The following TACR3 variants were observed in gnomAD, a reference collection of about 807,000 sequenced individuals.
TACR3 encodes the protein neuromedin-K receptor.
A neutral mutation model predicts 35.0 loss-of-function variants in TACR3; 34 were observed. That is an observed-to-expected ratio of 0.97 (90% CI 0.74 to 1.30). The LOEUF (loss-of-function observed/expected upper bound fraction) is 1.30. TACR3 is among the 50% of genes most tolerant of loss of function. The pLI, the probability that TACR3 is intolerant of heterozygous loss-of-function variation, is 0.00. For synonymous variants in TACR3, 233 were observed against 221.1 expected (o/e 1.05, Z -0.48); for missense variants, 558 against 591.7 (o/e 0.94, Z 0.59).
intron 3 of TACR3, among the ~76,000 whole-genome samples, chr4:103,648,647 A>G (rs1287440137): frequency 2.0e-5 from 3 of 152,062 alleles, no homozygotes; most frequent in African/African-American, 4.8e-5. Context: ...AAAGTACTCC[A>G]TTGTGTATAT....
chr4:103,612,830 T>TTC (rs34300555), intron 3 of TACR3, among the ~76,000 whole-genome samples: 109,874 of 151,494 alleles, frequency 0.73, 40,210 homozygotes, highest in East Asian at 1. Flanking sequence ...TGTTTTGCAT[T>TTC]TCTCTCTCTC....
intron 1 of TACR3, among the ~76,000 whole-genome samples, chr4:103,677,818 C>A (rs1245271121): frequency 4.6e-5 from 7 of 151,780 alleles, no homozygotes; most frequent in Non-Finnish European, 1.0e-4. Flanking sequence ...TACAAGTTTA[C>A]CTATGTAACA....
At position 103,719,507 on chromosome 4, in the gene TACR3, C is replaced by T; in HGVS notation, c.169G>A (p.Ala57Thr). 2 of 1,610,576 alleles carry T rather than the reference C, an allele frequency of 1.2e-6. No individual in the cohort carries two copies. Among genetic ancestry groups the T allele is most frequent in the South Asian group, 2.2e-5 (2 of 91,004 alleles). ...QAGNLSSSPS[A>T]LGLPVASPAP... is the part of the protein sequence containing the mutation. ...GGGGAAGCCACAGGCAGTCCCAGCG[C>T]GGAAGGGGAGGAGGAGAGGTTGCCA... The change falls in exon 1 of 5, where the codon GCG (alanine) becomes ACG (threonine). Residue 57 changes from alanine to threonine, a missense_variant. Physicochemically the swap from Ala to Thr is moderately conservative, Grantham distance 58. Transcript: ENST00000304883.
At chr4:103,621,262 G>A (rs1319308023) in intron 3 of TACR3, among the ~76,000 whole-genome samples, 1 of 152,154 alleles carries the variant, frequency 6.6e-6, no homozygotes, top group African/African-American at 2.4e-5. Flanking sequence ...CAAAACTCAT[G>A]CCTCCTTCTA....
intron 3 of TACR3, among the ~76,000 whole-genome samples, chr4:103,653,678 A>G (rs903169744): frequency 3.9e-5 from 6 of 152,060 alleles, no homozygotes; most frequent in African/African-American, 2.4e-5. Context: ...AATGGCAACA[A>G]AAGCCAAAAT....
intron 3 of TACR3, among the ~76,000 whole-genome samples, chr4:103,636,049 C>T: frequency 6.6e-6 from 1 of 151,846 alleles, no homozygotes; most frequent in East Asian, 1.9e-4. Context: ...CAGAATTTCT[C>T]AAAAATAAAC....
At chr4:103,684,354 G>A (rs1308168655) in intron 1 of TACR3, among the ~76,000 whole-genome samples, 1 of 152,118 alleles carries the variant, frequency 6.6e-6, no homozygotes, top group Non-Finnish European at 1.5e-5. Context: ...CCTAATAAAT[G>A]AGTTTGACAA....
intron 1 of TACR3, among the ~76,000 whole-genome samples, chr4:103,683,413 C>A (rs574800160): frequency 5.7e-5 from 5 of 88,168 alleles, no homozygotes; most frequent in African/African-American, 1.7e-4. Flanking sequence ...TCAGTGAATC[C>A]AAAAAATAAC....
rs1360232429 is a variant in TACR3, at chr4:103,587,323, G to T, written c.*2359C>A. 1 of 151,962 alleles carries T rather than the reference G, an allele frequency of 6.6e-6. No individual in the cohort carries two copies. Among genetic ancestry groups the T allele is most frequent in the African/African-American group, 2.4e-5 (1 of 41,402 alleles). 9.4% of individuals were successfully genotyped at this position (151,962 alleles called of 1,614,324 possible). On this transcript the variant is annotated 3_prime_UTR_variant, in exon 5 of 5. Coordinates refer to ENST00000304883, the MANE Select transcript of TACR3 (RefSeq NM_001059.3). ...ATTCTGCCTATAGGTCTCAGTTTAAGGGCCATGAGTAGTGAGTGAATGATG... is the reference window on the plus strand; with the variant it reads ...ATTCTGCCTATAGGTCTCAGTTTAATGGCCATGAGTAGTGAGTGAATGATG...
At chr4:103,700,224 G>A (rs886944681) in intron 1 of TACR3, among the ~76,000 whole-genome samples, 1 of 151,948 alleles carries the variant, frequency 6.6e-6, no homozygotes, top group Non-Finnish European at 1.5e-5. Context: ...TAGTATCATC[G>A]AATATTACTT....
chr4:103,611,330 T>C (rs1436458927), intron 3 of TACR3, among the ~76,000 whole-genome samples: 1 of 152,192 alleles, frequency 6.6e-6, no homozygotes, highest in Non-Finnish European at 1.5e-5. Context: ...ATTGTAGAGA[T>C]CTTCCATCTC....
intron 3 of TACR3, among the ~76,000 whole-genome samples, chr4:103,620,787 G>T (rs1219164508): frequency 6.6e-6 from 1 of 152,106 alleles, no homozygotes; most frequent in Non-Finnish European, 1.5e-5. Context: ...TGAGCACTAT[G>T]CTCACACCTG....
At chr4:103,618,712 T>C (rs955640267) in intron 3 of TACR3, among the ~76,000 whole-genome samples, 6 of 152,008 alleles carry the variant, frequency 3.9e-5, no homozygotes, top group African/African-American at 1.4e-4. Flanking sequence ...CGATATTGAA[T>C]TCCTCCAATC....
At chr4:103,689,991 C>G (rs1371488363) in intron 1 of TACR3, among the ~76,000 whole-genome samples, 1 of 151,732 alleles carries the variant, frequency 6.6e-6, no homozygotes, top group East Asian at 1.9e-4. Flanking sequence ...CACAAGAGAG[C>G]CATAATGAAA....
intron 3 of TACR3, among the ~76,000 whole-genome samples, chr4:103,646,610 T>C (rs1367544447): frequency 6.6e-6 from 1 of 151,976 alleles, no homozygotes; most frequent in Admixed American, 6.6e-5. Flanking sequence ...AAGATGTCAG[T>C]AGGGAGTCAT....
intron 1 of TACR3, among the ~76,000 whole-genome samples, chr4:103,673,832 T>C (rs1327738302): frequency 6.6e-6 from 1 of 152,202 alleles, no homozygotes; most frequent in Non-Finnish European, 1.5e-5. Context: ...ATAATATTTC[T>C]AGTAGTCAAT....
intron 3 of TACR3, among the ~76,000 whole-genome samples, chr4:103,630,108 A>G (rs1003020518): frequency 6.6e-6 from 1 of 152,180 alleles, no homozygotes; most frequent in Non-Finnish European, 1.5e-5. Flanking sequence ...CCTATTTAAT[A>G]AATGGTGCTG....
chr4:103,654,236 A>G (rs1410025254), intron 3 of TACR3, among the ~76,000 whole-genome samples: 2 of 151,622 alleles, frequency 1.3e-5, no homozygotes, highest in African/African-American at 4.9e-5. Flanking sequence ...TGCTATAAAG[A>G]CACATGCACA....
At chr4:103,603,473 G>A (rs546809993) in intron 3 of TACR3, among the ~76,000 whole-genome samples, 6 of 152,304 alleles carry the variant, frequency 3.9e-5, no homozygotes, top group Admixed American at 6.5e-5. Flanking sequence ...GAAATCACCC[G>A]TCTTCTGCGT....
Sources: gnomAD v4.1 joint callset for allele counts (sites outside exome capture counted in the v4.1 genomes callset) on GRCh38, gnomAD v4.1.1 for gene constraint, MANE v1.5 for transcripts, NCBI Gene and HGNC (gene_info 2026-07-23, HGNC 2026-07-21) for gene names.